The following SPECC1L variants were observed in gnomAD, a reference collection of about 807,000 sequenced individuals.
SPECC1L encodes cytospin-A.
SPECC1L carries 40 observed loss-of-function variants against 116.8 expected under a neutral mutation model. The observed-to-expected ratio is 0.34, with a 90% CI of 0.27 to 0.45. The LOEUF (loss-of-function observed/expected upper bound fraction) is 0.45, where lower values mean the gene tolerates loss of function less well. Among genes scored for constraint, SPECC1L ranks in the 20% least tolerant of loss-of-function variants. SPECC1L has a pLI of 1.00. For missense variants in SPECC1L, 1,110 were observed against 1,373.6 expected, an observed-to-expected ratio of 0.81 and a Z score of 3.03; for synonymous variants, 504 against 500.6, an observed-to-expected ratio of 1.01 and a Z score of -0.09.
chr22:24,305,445 ATG>A (rs2049473466), intron 3 of SPECC1L, among the ~76,000 whole-genome samples: 1 of 152,036 alleles, frequency 6.6e-6, no homozygotes, highest in Non-Finnish European at 1.5e-5. Context: ...TGTTCTTTTT[ATG>A]TGTGTCTGGT....
At chr22:24,413,810 C>G (rs1215712640) in intron 16 of SPECC1L, among the ~76,000 whole-genome samples, 1 of 152,170 alleles carries the variant, frequency 6.6e-6, no homozygotes, top group Non-Finnish European at 1.5e-5. Flanking sequence ...ACCAAGGGCG[C>G]CCTCCTGATC....
intron 1 of SPECC1L, among the ~76,000 whole-genome samples, chr22:24,274,726 G>A (rs560530988): frequency 3.9e-5 from 6 of 152,264 alleles, no homozygotes; most frequent in African/African-American, 1.4e-4. Flanking sequence ...CTATTAATCT[G>A]TTCACAATCA....
rs771005037 is a variant in SPECC1L at position 24,321,937 on chromosome 22, T to C, written c.957T>C (p.Pro319=). The change falls in exon 5 of 17, where the codon CCT becomes CCC. Residue 319 remains proline, a synonymous_variant. Transcript: ENST00000314328. The stretch of plus-strand genomic sequence containing the variant: ...CTTCTTCAGTGGAAGGCTCTGCCCC[T>C]GGCTCAGTGGAGGATCTCTTGAGTC... ...TLTSSVEGSA[P]GSVEDLLSQD... is the part of the protein sequence containing the mutation. The C allele has an allele frequency of 6.2e-7, 1 of 1,614,228 alleles. No homozygotes were observed. Among genetic ancestry groups the C allele is most frequent in the Admixed American group, 1.7e-5 (1 of 60,024 alleles).
chr22:24,276,255 A>G (rs2048834595), intron 1 of SPECC1L, among the ~76,000 whole-genome samples: 1 of 151,994 alleles, frequency 6.6e-6, no homozygotes, highest in Non-Finnish European at 1.5e-5. Flanking sequence ...GTACCCTAGA[A>G]CTTAAAGTAT....
In SPECC1L at chr22:24,302,386, TA is replaced by T; in HGVS notation, c.153+3del. ...GGAACAGCAGCATCATTGTCAAAGG[TA>T]TTCATGTGATGTTTGAATACATGAT... On this transcript the variant is annotated splice_donor_region_variant and intron_variant, in intron 3 of 16. Coordinates refer to ENST00000314328, the MANE Select transcript of SPECC1L (RefSeq NM_015330.6). 1 of 1,614,074 alleles carries T rather than the reference TA, an allele frequency of 6.2e-7. No homozygotes were observed. Among genetic ancestry groups the T allele is most frequent in the South Asian group, 1.1e-5 (1 of 91,086 alleles).
chr22:24,301,751 T>C (rs1193646621), intron 2 of SPECC1L, among the ~76,000 whole-genome samples: 1 of 152,074 alleles, frequency 6.6e-6, no homozygotes, highest in African/African-American at 2.4e-5. Flanking sequence ...TCACCCATAT[T>C]ATAATATATA....
chr22:24,346,569 A>G (rs906740151), intron 10 of SPECC1L, among the ~76,000 whole-genome samples: 4 of 152,240 alleles, frequency 2.6e-5, no homozygotes, highest in Non-Finnish European at 4.4e-5. Context: ...TTCTCTTCCA[A>G]CAAAATAATG....
chr22:24,275,047 CAAAAG>C (rs961345371), intron 1 of SPECC1L, among the ~76,000 whole-genome samples: 3 of 152,206 alleles, frequency 2.0e-5, no homozygotes, highest in Admixed American at 6.5e-5. Flanking sequence ...GTTCCAAACT[CAAAAG>C]AAAAACAACT....
chr22:24,288,312 C>G (rs955894102), intron 2 of SPECC1L, among the ~76,000 whole-genome samples: 18 of 151,952 alleles, frequency 1.2e-4, no homozygotes, highest in South Asian at 2.1e-4. Flanking sequence ...GATTCCTGGC[C>G]TCTTACACAC....
intron 14 of SPECC1L, among the ~76,000 whole-genome samples, chr22:24,376,432 A>G (rs992735991): frequency 6.6e-6 from 1 of 152,270 alleles, no homozygotes; most frequent in Non-Finnish European, 1.5e-5. Context: ...GCATTTACAT[A>G]TAGTAACAGT....
intron 3 of SPECC1L, among the ~76,000 whole-genome samples, chr22:24,310,638 C>G (rs1842496843): frequency 6.6e-6 from 1 of 151,896 alleles, no homozygotes; most frequent in Admixed American, 6.6e-5. Flanking sequence ...TTGTGTGATT[C>G]ATTCATTTTG....
At chr22:24,303,761 A>G (rs1056638583) in intron 3 of SPECC1L, among the ~76,000 whole-genome samples, 6 of 152,006 alleles carry the variant, frequency 3.9e-5, no homozygotes, top group African/African-American at 1.2e-4. Flanking sequence ...TTTCCACTGT[A>G]AAGCAAAACT....
At position 24,365,595 on chromosome 22, in the gene SPECC1L, A is replaced by G. The variant is rs143075516; in HGVS notation, c.2947A>G (p.Thr983Ala). 80 of 1,614,026 alleles carry G rather than the reference A, an allele frequency of 5.0e-5. No homozygotes were observed. The highest frequency in any genetic ancestry group is 6.2e-5 in the Non-Finnish European group (73 of 1,180,038). ...ACAGCTTTCCCTGTCCTCTTCTCCA[A>G]CGGCATCTGTGACTCCCACCACCCG... ...SPQLSLSSSP[T>A]ASVTPTTRSR... The change falls in exon 13 of 17, where the codon ACG (threonine) becomes GCG (alanine). Residue 983 changes from threonine to alanine, a missense_variant. Physicochemically the swap from Thr to Ala is moderately conservative, Grantham distance 58 (BLOSUM62 0). Around this residue, in one of 4 missense-constraint regions of SPECC1L, gnomAD observed 575 missense variants for 682.4 expected, o/e 0.84. Coordinates refer to ENST00000314328, the MANE Select transcript of SPECC1L (RefSeq NM_015330.6).
At chr22:24,309,083 G>T (rs1023512436) in intron 3 of SPECC1L, among the ~76,000 whole-genome samples, 1 of 152,054 alleles carries the variant, frequency 6.6e-6, no homozygotes, top group Admixed American at 6.6e-5. Context: ...TTTTAGTGGA[G>T]GATAGTACTT....
chr22:24,338,937 A>G (rs2041117523), intron 10 of SPECC1L, among the ~76,000 whole-genome samples: 1 of 152,208 alleles, frequency 6.6e-6, no homozygotes, highest in African/African-American at 2.4e-5. Context: ...CTAAGACACA[A>G]AGGTGTCTCT....
chr22:24,372,164 C>A (rs932867400), intron 14 of SPECC1L, among the ~76,000 whole-genome samples: 3 of 152,070 alleles, frequency 2.0e-5, no homozygotes, highest in African/African-American at 7.2e-5. Flanking sequence ...AAAAAAAGTC[C>A]AAGACCAGAT....
At chr22:24,273,207 A>T (rs879830161) in intron 1 of SPECC1L, among the ~76,000 whole-genome samples, 43 of 152,246 alleles carry the variant, frequency 2.8e-4, no homozygotes, top group Non-Finnish European at 4.7e-4. Flanking sequence ...CACACAGTGC[A>T]TCTGATATTT....
At chr22:24,369,077 A>G (rs2041826748) in intron 13 of SPECC1L, 141 bp from the exon 14 acceptor site, 1 of 692,874 alleles carries the variant, frequency 1.4e-6, no homozygotes, top group East Asian at 2.7e-5. Context: ...ACTAAAAATC[A>G]AATGTATGAA....
chr22:24,349,214 T>C (rs2041369480), intron 11 of SPECC1L, among the ~76,000 whole-genome samples: 1 of 152,160 alleles, frequency 6.6e-6, no homozygotes, highest in African/African-American at 2.4e-5. Flanking sequence ...CTAATTTTTG[T>C]ATTTTTAGTA....
Sources: allele counts gnomAD v4.1 joint callset (sites outside exome capture counted in the v4.1 genomes callset), GRCh38; gene constraint gnomAD v4.1.1; regional missense constraint gnomAD v4.1.1; transcripts MANE v1.5; gene names NCBI Gene and HGNC (gene_info 2026-07-23, HGNC 2026-07-21).